NETO2: variants seen among roughly 807,000 people sequenced by gnomAD.
NETO2 encodes neuropilin and tolloid like 2, also known as neuropilin and tolloid-like protein 2.
Under a neutral mutation model 62.5 loss-of-function variants are expected in NETO2, and 28 were observed. The ratio of observed to expected loss-of-function variants is 0.45; its 90% CI spans 0.33 to 0.61. NETO2 has a LOEUF of 0.61. Ranked by LOEUF, NETO2 falls within the 20% of genes least tolerant of loss-of-function variation. The pLI is 0.02. For synonymous variants in NETO2, 214 were observed against 219.1 expected (o/e 0.98, Z 0.21); for missense variants, 548 against 643.2 (o/e 0.85, Z 1.60).
At position 47,083,117 on chromosome 16, in the gene NETO2, C is replaced by T. The variant is rs1404351152; in HGVS notation, c.*104G>A. 69 of 998,610 alleles carry T rather than the reference C, an allele frequency of 6.9e-5. No homozygotes were observed. The highest frequency in any genetic ancestry group is 2.6e-4 in the Middle Eastern group (1 of 3,910). 61.9% of individuals were successfully genotyped at this position (998,610 alleles called of 1,614,324 possible). A position where few individuals can be genotyped will look rare whatever the true frequency, so the allele number is the denominator to read the frequency against. ...TAGGTTAACGGTAAATCAAGGTCTTCGTAGTTGTGATGGGAGAAAAGGGTT... is the reference window on the plus strand; with the variant it reads ...TAGGTTAACGGTAAATCAAGGTCTTTGTAGTTGTGATGGGAGAAAAGGGTT... On this transcript the variant is annotated 3_prime_UTR_variant, in exon 9 of 9. Transcript: ENST00000562435.
At chr16:47,109,829 C>T (rs1212679585) in intron 6 of NETO2, 118 bp from the exon 7 acceptor site, 5 of 666,666 alleles carry the variant, frequency 7.5e-6, no homozygotes, top group South Asian at 3.9e-5. Flanking sequence ...AAACCATAAT[C>T]GATAAATGGC....
At chr16:47,141,185 C>T (rs1964455343) in intron 1 of NETO2, among the ~76,000 whole-genome samples, 1 of 152,206 alleles carries the variant, frequency 6.6e-6, no homozygotes, top group Non-Finnish European at 1.5e-5. Flanking sequence ...ATCTCACACA[C>T]TCATTATGGC....
At chr16:47,102,463 C>T (rs1053751822) in intron 7 of NETO2, among the ~76,000 whole-genome samples, 3 of 152,062 alleles carry the variant, frequency 2.0e-5, no homozygotes, top group African/African-American at 7.2e-5. Flanking sequence ...TAAAGAGCTT[C>T]TGCACAGCAA....
chr16:47,128,656 A>G, intron 3 of NETO2, 83 bp from the exon 4 acceptor site: 4 of 1,464,562 alleles, frequency 2.7e-6, no homozygotes, highest in Non-Finnish European at 3.7e-6. Context: ...AAAGCAGAAT[A>G]ACTGTTCTGC....
chr16:47,083,856 TG>T, intron 8 of NETO2, 55 bp from the exon 9 acceptor site: 1 of 1,315,496 alleles, frequency 7.6e-7, no homozygotes. Context: ...ATATGAATCC[TG>T]GTACAAATTA....
intron 2 of NETO2, among the ~76,000 whole-genome samples, chr16:47,130,216 G>C (rs1386377247): frequency 6.6e-6 from 1 of 152,170 alleles, no homozygotes; most frequent in African/African-American, 2.4e-5. Context: ...GTCAGATATT[G>C]AGCCTTTAAG....
At position 47,082,218 on chromosome 16, in the gene NETO2, G is replaced by T. The variant is rs898036699; in HGVS notation, c.*1003C>A. ...GTCCCAGTTAAGAAGCAATCTCAAG[G>T]CTCATCCAATTTCTAAGGAATTTTA... On this transcript the variant is annotated 3_prime_UTR_variant, in exon 9 of 9. Transcript: ENST00000562435. 6.6e-6 allele frequency: 1 copy of T among 152,586 alleles called. No homozygotes were observed. The highest frequency in any genetic ancestry group is 1.9e-4 in the East Asian group (1 of 5,206). The allele number at this position is 152,586 out of a possible 1,614,324, so 9.5% of individuals were successfully genotyped here.
chr16:47,079,581 C>CGA lies in NETO2; in HGVS notation c.*3638_*3639dup, dbSNP rs1027500915. On this transcript the variant is annotated 3_prime_UTR_variant, in exon 9 of 9. Transcript: ENST00000562435. ...CTGCACTCCAGCCTGGGCGACAGAG[C>CGA]GAGACTCCGTCTCAAAAAAGAAAAA... 6.6e-6 allele frequency: 1 copy of CGA among 152,340 alleles called. No individual in the cohort carries two copies. The highest frequency in any genetic ancestry group is 2.4e-5 in the African/African-American group (1 of 41,434). The allele number at this position is 152,340 out of a possible 1,614,324, so 9.4% of individuals were successfully genotyped here.
At chr16:47,086,564 T>C (rs1963194495) in intron 7 of NETO2, among the ~76,000 whole-genome samples, 1 of 152,214 alleles carries the variant, frequency 6.6e-6, no homozygotes, top group African/African-American at 2.4e-5. Context: ...AATGTAATGA[T>C]AATGAATGTA....
In NETO2 at chr16:47,080,610, A is replaced by T. The variant is rs1963046259; in HGVS notation, c.*2611T>A. The T allele has an allele frequency of 6.6e-6, 1 of 152,248 alleles. No individual in the cohort carries two copies. Among genetic ancestry groups the T allele is most frequent in the Admixed American group, 6.5e-5 (1 of 15,286 alleles). 9.4% of individuals were successfully genotyped at this position (152,248 alleles called of 1,614,324 possible). On this transcript the variant is annotated 3_prime_UTR_variant, in exon 9 of 9. Coordinates refer to ENST00000562435, the MANE Select transcript of NETO2 (RefSeq NM_018092.5). ...AAAGCATAGAGAAGTTTAATAAATA[A>T]ATGAGATCTAATGCCCATCTATGAT... is the stretch of plus-strand genomic sequence containing the variant.
intron 6 of NETO2, among the ~76,000 whole-genome samples, chr16:47,112,988 T>C (rs1963832343): frequency 6.6e-6 from 1 of 152,230 alleles, no homozygotes; most frequent in Non-Finnish European, 1.5e-5. Context: ...AATCACTATG[T>C]ATCCATTCTC....
chr16:47,136,401 G>T (rs1193823604), intron 1 of NETO2, among the ~76,000 whole-genome samples: 1 of 152,052 alleles, frequency 6.6e-6, no homozygotes, highest in Non-Finnish European at 1.5e-5. Context: ...ATATATCCAA[G>T]AATTAATTTT....
intron 6 of NETO2, among the ~76,000 whole-genome samples, chr16:47,114,926 A>G (rs535198028): frequency 2.6e-5 from 4 of 152,120 alleles, no homozygotes; most frequent in Non-Finnish European, 5.9e-5. Flanking sequence ...GGCAACACCT[A>G]CACTCAACAG....
Position 47,117,763 on chromosome 16 carries a change from G to A in NETO2, c.654+4894C>T, listed in dbSNP as rs142306974. ...TTGAGAGTGTTTACTGCTATCTCATGAAGCATGGTTCTATCACTGCTTTAG... is the reference window on the plus strand; with the variant it reads ...TTGAGAGTGTTTACTGCTATCTCATAAAGCATGGTTCTATCACTGCTTTAG... On this transcript the variant is annotated intron_variant, in intron 6 of 8. Coordinates refer to ENST00000562435, the MANE Select transcript of NETO2 (RefSeq NM_018092.5). Among the ~76,000 whole-genome samples the A allele has an allele frequency of 9.7e-3, 1,477 of 152,134 alleles. 13 individuals carry two copies. The highest frequency in any genetic ancestry group is 0.017 in the South Asian group (82 of 4,804).
intron 6 of NETO2, among the ~76,000 whole-genome samples, chr16:47,115,720 T>TATATATAC (rs1361698738): frequency 1.0e-4 from 14 of 140,088 alleles, no homozygotes; most frequent in African/African-American, 4.1e-4. Flanking sequence ...TATACATATA[T>TATATATAC]ATATATATAT....
chr16:47,085,049 T>A (rs567529424), intron 8 of NETO2, among the ~76,000 whole-genome samples: 2 of 152,262 alleles, frequency 1.3e-5, no homozygotes, highest in South Asian at 4.1e-4. Flanking sequence ...TCTTAGAGGA[T>A]AAAAGGAAGA....
At chr16:47,130,199 C>T (rs1267995209) in intron 2 of NETO2, among the ~76,000 whole-genome samples, 1 of 152,194 alleles carries the variant, frequency 6.6e-6, no homozygotes, top group Non-Finnish European at 1.5e-5. Context: ...CCCACAAAGG[C>T]CTCCTGGTCA....
intron 1 of NETO2, among the ~76,000 whole-genome samples, chr16:47,133,780 G>C (rs1359876071): frequency 6.6e-6 from 1 of 152,190 alleles, no homozygotes; most frequent in Non-Finnish European, 1.5e-5. Flanking sequence ...AGTTGGGTGA[G>C]ATCTGATTGT....
At chr16:47,088,277 T>C (rs1251727788) in intron 7 of NETO2, among the ~76,000 whole-genome samples, 6 of 152,210 alleles carry the variant, frequency 3.9e-5, no homozygotes, top group Non-Finnish European at 1.5e-5. Context: ...AGCTAATTTG[T>C]GTATTTTTAG....
Sources: gnomAD v4.1 joint callset for allele counts (sites outside exome capture counted in the v4.1 genomes callset) on GRCh38, gnomAD v4.1.1 for gene constraint, MANE v1.5 for transcripts, NCBI Gene and HGNC (gene_info 2026-07-23, HGNC 2026-07-21) for gene names.